The following SLC24A2 variants were observed in gnomAD, a reference collection of about 807,000 sequenced individuals.
The protein encoded by SLC24A2 is solute carrier family 24 member 2.
SLC24A2 carries 36 observed loss-of-function variants against 62.0 expected under a neutral mutation model. That is an observed-to-expected ratio of 0.58 (90% confidence interval 0.44 to 0.77). The LOEUF is 0.77. Ranked by LOEUF, SLC24A2 falls within the 30% of genes least tolerant of loss-of-function variation. The pLI, the probability that SLC24A2 is intolerant of heterozygous loss-of-function variation, is 0.00. For synonymous variants in SLC24A2, 358 were observed against 294.0 expected (o/e 1.22, Z -2.23); for missense variants, 846 against 817.9 (o/e 1.03, Z -0.42).
chr9:20,268,864 G>T, the SLC24A2 span, among the ~76,000 whole-genome samples: 1 of 152,128 alleles, frequency 6.6e-6, no homozygotes, highest in Non-Finnish European at 1.5e-5. Flanking sequence ...GTGTGTGGAG[G>T]AACTACGAAA....
the SLC24A2 span, among the ~76,000 whole-genome samples, chr9:20,024,096 C>G: frequency 6.6e-6 from 1 of 152,198 alleles, no homozygotes; most frequent in African/African-American, 2.4e-5. Flanking sequence ...TCCAGGCAGA[C>G]AGAGTGGAAT....
chr9:19,977,055 C>T, the SLC24A2 span, among the ~76,000 whole-genome samples: 2 of 151,838 alleles, frequency 1.3e-5, no homozygotes, highest in African/African-American at 4.8e-5. Context: ...ATTTTTTACA[C>T]ATAAAATAAG....
intron 2 of SLC24A2, among the ~76,000 whole-genome samples, chr9:19,689,638 T>C (rs770985231): frequency 6.6e-6 from 1 of 152,104 alleles, no homozygotes; most frequent in African/African-American, 2.4e-5. Flanking sequence ...TCATAAACAA[T>C]GGCCTCCACT....
At chr9:19,813,127 A>G in the SLC24A2 span, among the ~76,000 whole-genome samples, 1 of 152,024 alleles carries the variant, frequency 6.6e-6, no homozygotes, top group African/African-American at 2.4e-5. Flanking sequence ...TTGGCCCAGG[A>G]TATTTCTAAT....
At chr9:20,300,700 C>G in the SLC24A2 span, among the ~76,000 whole-genome samples, 2 of 152,292 alleles carry the variant, frequency 1.3e-5, no homozygotes, top group East Asian at 1.9e-4. Context: ...ACTCCCTTCT[C>G]TCATAAAAAT....
the SLC24A2 span, among the ~76,000 whole-genome samples, chr9:20,190,257 G>A: frequency 6.6e-6 from 1 of 152,292 alleles, no homozygotes; most frequent in South Asian, 2.1e-4. Context: ...TGCCAGGGCA[G>A]TCCTCAGGGA....
chr9:19,884,108 A>G, the SLC24A2 span, among the ~76,000 whole-genome samples: 2 of 152,234 alleles, frequency 1.3e-5, no homozygotes, highest in Admixed American at 1.3e-4. Context: ...TTCTAAATAT[A>G]TGACATACAC....
chr9:20,202,652 G>A, the SLC24A2 span, among the ~76,000 whole-genome samples: 1 of 152,178 alleles, frequency 6.6e-6, no homozygotes, highest in Non-Finnish European at 1.5e-5. Context: ...TCTCCTTTGG[G>A]ATTTAAATGC....
chr9:19,539,073 T>C (rs1358508197), intron 8 of SLC24A2, among the ~76,000 whole-genome samples: 5 of 75,720 alleles, frequency 6.6e-5, no homozygotes, highest in Admixed American at 1.5e-4. Flanking sequence ...TTTTTTATTG[T>C]GTCTATTTGA....
chr9:19,882,429 G>A, the SLC24A2 span, among the ~76,000 whole-genome samples: 1 of 151,656 alleles, frequency 6.6e-6, no homozygotes. Flanking sequence ...TATTACTATG[G>A]TTCTATGTCA....
At chr9:19,532,777 C>T (rs1833770564) in intron 8 of SLC24A2, among the ~76,000 whole-genome samples, 1 of 152,194 alleles carries the variant, frequency 6.6e-6, no homozygotes, top group Non-Finnish European at 1.5e-5. Flanking sequence ...TGAATAGATA[C>T]TTGATGAATC....
chr9:19,690,472 C>T (rs983954763), intron 2 of SLC24A2, among the ~76,000 whole-genome samples: 2 of 152,074 alleles, frequency 1.3e-5, no homozygotes, highest in Non-Finnish European at 2.9e-5. Context: ...GTTGTCTTTC[C>T]TCTGGGGATG....
the SLC24A2 span, among the ~76,000 whole-genome samples, chr9:20,229,769 C>T: frequency 4.6e-5 from 7 of 151,234 alleles, no homozygotes; most frequent in Admixed American, 4.6e-4. Flanking sequence ...TTTTAGGGTA[C>T]CTGTGCACAA....
chr9:20,116,194 G>A, the SLC24A2 span, among the ~76,000 whole-genome samples: 5 of 152,102 alleles, frequency 3.3e-5, no homozygotes, highest in African/African-American at 1.2e-4. Context: ...TGCACCATGA[G>A]TCTGTTCAAA....
the SLC24A2 span, among the ~76,000 whole-genome samples, chr9:20,124,438 A>T: frequency 6.6e-6 from 1 of 152,230 alleles, no homozygotes; most frequent in Non-Finnish European, 1.5e-5. Flanking sequence ...CTCATTATAA[A>T]AATTTTGAAT....
the SLC24A2 span, among the ~76,000 whole-genome samples, chr9:19,997,162 G>A: frequency 1.3e-5 from 2 of 152,194 alleles, no homozygotes; most frequent in Non-Finnish European, 2.9e-5. Context: ...TTAGAACTTA[G>A]TCATCACAAT....
At chr9:19,897,889 AC>A in the SLC24A2 span, among the ~76,000 whole-genome samples, 13 of 152,334 alleles carry the variant, frequency 8.5e-5, 1 homozygote, top group South Asian at 2.3e-3. Flanking sequence ...GAACAGAATT[AC>A]GCACTACAGT....
chr9:19,536,208 T>A (rs144786273), intron 8 of SLC24A2, among the ~76,000 whole-genome samples: 2,155 of 148,920 alleles, frequency 0.014, 22 homozygotes, highest in South Asian at 0.052. Context: ...TTATTTATTT[T>A]TTTTTATTAC....
chr9:19,709,155 T>C (rs1820632137), intron 2 of SLC24A2, among the ~76,000 whole-genome samples: 1 of 151,868 alleles, frequency 6.6e-6, no homozygotes, highest in Non-Finnish European at 1.5e-5. Flanking sequence ...CATGAAAAAA[T>C]GCTCATCATC....
Sources: gnomAD v4.1 joint callset for allele counts (sites outside exome capture counted in the v4.1 genomes callset) on GRCh38, gnomAD v4.1.1 for gene constraint, MANE v1.5 for transcripts, NCBI Gene and HGNC (gene_info 2026-07-23, HGNC 2026-07-21) for gene names.